Variants in SCLT1 observed in about 807,000 individuals in gnomAD.
SCLT1 encodes the protein sodium channel and clathrin linker 1.
Under a neutral mutation model 112.8 loss-of-function variants are expected in SCLT1, and 78 were observed. The ratio of observed to expected loss-of-function variants is 0.69; its 90% CI spans 0.58 to 0.83. SCLT1 has a LOEUF of 0.83. Ranked by LOEUF, SCLT1 falls within the 40% of genes least tolerant of loss-of-function variation. SCLT1 has a pLI of 0.00. For synonymous variants in SCLT1, 257 were observed against 254.7 expected (o/e 1.01, Z -0.09); for missense variants, 747 against 770.4 (o/e 0.97, Z 0.36).
chr4:129,067,390 G>T (rs767800807), intron 2 of SCLT1, among the ~76,000 whole-genome samples: 3 of 151,052 alleles, frequency 2.0e-5, no homozygotes, highest in Non-Finnish European at 4.4e-5. Flanking sequence ...AAAATGAAAA[G>T]GCAATCTTCC....
intron 9 of SCLT1, among the ~76,000 whole-genome samples, chr4:128,975,990 T>C (rs1037695185): frequency 2.0e-5 from 3 of 152,196 alleles, no homozygotes; most frequent in African/African-American, 7.2e-5. Flanking sequence ...TCCAAAACAG[T>C]GGCTCTTCAG....
chr4:128,888,201 T>C (rs565518733), intron 20 of SCLT1, among the ~76,000 whole-genome samples: 12 of 151,710 alleles, frequency 7.9e-5, no homozygotes, highest in African/African-American at 2.2e-4. Context: ...AGACAGTATA[T>C]GTCTTTTCTG....
chr4:129,062,915 T>A (rs1220995017), intron 2 of SCLT1, among the ~76,000 whole-genome samples: 1 of 152,226 alleles, frequency 6.6e-6, no homozygotes, highest in Non-Finnish European at 1.5e-5. Flanking sequence ...ATGTCTGACG[T>A]CCAGACGTCT....
At chr4:129,015,659 A>C (rs953684924) in intron 5 of SCLT1, among the ~76,000 whole-genome samples, 6 of 152,080 alleles carry the variant, frequency 3.9e-5, no homozygotes, top group Non-Finnish European at 5.9e-5. Context: ...CTTCTCTAGG[A>C]ATCTCTCCCT....
Position 128,938,516 on chromosome 4 carries a change from G to C in SCLT1, c.1633-1665C>G, listed in dbSNP as rs1471361209. On this transcript the variant is annotated intron_variant, in intron 17 of 20. Coordinates refer to ENST00000281142, the MANE Select transcript of SCLT1 (RefSeq NM_144643.4). ...CTCCTGAGGCCACTTGACCCCTGCT[G>C]CTATCTTAATAATTTTTGAATTATT... Among the ~76,000 whole-genome samples the C allele has an allele frequency of 2.0e-5, 3 of 152,176 alleles. No individual in the cohort carries two copies. In the East Asian group the frequency reaches 5.8e-4, roughly 29 times the overall value.
intron 17 of SCLT1, among the ~76,000 whole-genome samples, chr4:128,940,291 C>T (rs1055758721): frequency 1.3e-5 from 2 of 151,392 alleles, no homozygotes; most frequent in South Asian, 2.1e-4. Context: ...TTGATTCCAT[C>T]CCCACCCATG....
chr4:128,995,139 G>A (rs2126074160), intron 8 of SCLT1, among the ~76,000 whole-genome samples: 1 of 152,168 alleles, frequency 6.6e-6, no homozygotes, highest in South Asian at 2.1e-4. Flanking sequence ...TTTCTTCTAA[G>A]AACTTTATAA....
At chr4:129,062,535 C>T (rs2125735277) in intron 2 of SCLT1, among the ~76,000 whole-genome samples, 1 of 152,234 alleles carries the variant, frequency 6.6e-6, no homozygotes, top group South Asian at 2.1e-4. Flanking sequence ...TATCACTTTG[C>T]TTCAGCTTCA....
intron 20 of SCLT1, among the ~76,000 whole-genome samples, chr4:128,887,913 T>C (rs1034965704): frequency 1.3e-5 from 2 of 152,218 alleles, no homozygotes; most frequent in Non-Finnish European, 2.9e-5. Context: ...ATTTGAAATA[T>C]TACATTCAAA....
At chr4:128,889,041 T>C (rs1029114548) in intron 19 of SCLT1, among the ~76,000 whole-genome samples, 1 of 152,242 alleles carries the variant, frequency 6.6e-6, no homozygotes, top group Non-Finnish European at 1.5e-5. Context: ...AATAAGACTT[T>C]CAATTTGTGA....
chr4:128,889,053 GGTCAC>G (rs1733109410), intron 19 of SCLT1, among the ~76,000 whole-genome samples: 1 of 152,206 alleles, frequency 6.6e-6, no homozygotes, highest in Admixed American at 6.5e-5. Context: ...AATTTGTGAA[GGTCAC>G]TGCTTCAGAA....
At chr4:129,006,803 G>T (rs1321259797) in intron 5 of SCLT1, among the ~76,000 whole-genome samples, 1 of 152,054 alleles carries the variant, frequency 6.6e-6, no homozygotes, top group Non-Finnish European at 1.5e-5. Context: ...ATGATTTTGG[G>T]TTTAGATTGC....
At position 128,954,423 on chromosome 4, in the gene SCLT1, A is replaced by G. The variant is rs1338022094; in HGVS notation, c.1147-1583T>C. 2.7e-4 allele frequency among the ~76,000 whole-genome samples: 40 copies of G among 148,158 alleles called. No homozygotes were observed. The Admixed American group carries it at 2.7e-3, about 10-fold the overall frequency. ...AAGCCCCGCCTCCTGGGTTCACACCATTCTCCTGCCTCAGCCTCCAGCTGG... is the reference window on the plus strand; with the variant it reads ...AAGCCCCGCCTCCTGGGTTCACACCGTTCTCCTGCCTCAGCCTCCAGCTGG... On this transcript the variant is annotated intron_variant, in intron 13 of 20. Transcript: ENST00000281142.
chr4:129,054,926 C>A (rs561939868), intron 2 of SCLT1, among the ~76,000 whole-genome samples: 3 of 152,242 alleles, frequency 2.0e-5, no homozygotes, highest in South Asian at 2.1e-4. Context: ...GGCTGATGAC[C>A]TTTGGGTGGG....
chr4:128,972,274 A>G (rs1052213150), intron 9 of SCLT1: 3 of 152,156 alleles, frequency 2.0e-5, no homozygotes, highest in African/African-American at 7.2e-5. Flanking sequence ...CTGAAAAAGC[A>G]TAGCAACCAC....
At chr4:128,962,567 C>A (rs1180523911) in intron 11 of SCLT1, among the ~76,000 whole-genome samples, 2 of 152,198 alleles carry the variant, frequency 1.3e-5, no homozygotes, top group African/African-American at 2.4e-5. Context: ...TTTCTCTAAA[C>A]CCCCTCTATC....
In SCLT1 at chr4:128,965,320, T is replaced by A. The variant is rs1337692302; in HGVS notation, c.778-2A>T. ...ATGGGCAGACACCACATCCTTCTCC[T>A]AGAAAATAAAGAAACTAGAAGCTTA... is the stretch of plus-strand genomic sequence containing the variant. On this transcript the variant is annotated splice_acceptor_variant, in intron 10 of 20. Coordinates refer to ENST00000281142, the MANE Select transcript of SCLT1 (RefSeq NM_144643.4). LOFTEE classifies it high-confidence loss of function. The A allele has an allele frequency of 4.4e-6, 7 of 1,593,786 alleles. No individual in the cohort carries two copies. The Admixed American group carries it at 5.1e-5, about 12-fold the overall frequency.
intron 9 of SCLT1, among the ~76,000 whole-genome samples, chr4:128,987,012 C>T (rs1476273288): frequency 6.6e-6 from 1 of 152,098 alleles, no homozygotes; most frequent in Non-Finnish European, 1.5e-5. Flanking sequence ...GGAATTATCC[C>T]TCATCTTACC....
intron 18 of SCLT1, among the ~76,000 whole-genome samples, chr4:128,891,590 G>A (rs1245745293): frequency 6.7e-6 from 1 of 150,002 alleles, no homozygotes; most frequent in Non-Finnish European, 1.5e-5. Context: ...AAAAGATACA[G>A]TATTTATTAT....
Sources: gnomAD v4.1 joint callset for allele counts (sites outside exome capture counted in the v4.1 genomes callset) on GRCh38, gnomAD v4.1.1 for gene constraint, MANE v1.5 for transcripts, NCBI Gene and HGNC (gene_info 2026-07-23, HGNC 2026-07-21) for gene names.